Variants in PHAX observed in about 807,000 individuals in gnomAD.
The protein encoded by PHAX is phosphorylated adaptor for RNA export.
A neutral mutation model predicts 41.6 loss-of-function variants in PHAX; 31 were observed. That is an observed-to-expected ratio of 0.75 (90% CI 0.56 to 1.01). The LOEUF is 1.01. PHAX is among the 50% of genes least tolerant of loss of function. PHAX has a pLI of 0.00. For synonymous variants in PHAX, 175 were observed against 164.9 expected (o/e 1.06, Z -0.47); for missense variants, 453 against 472.9 (o/e 0.96, Z 0.39).
Position 126,604,195 on chromosome 5 carries a change from A to T in PHAX, c.710+12A>T. 7 of 1,517,762 alleles carry T rather than the reference A, an allele frequency of 4.6e-6. No homozygotes were observed. The highest frequency in any genetic ancestry group is 1.4e-5 in the African/African-American group (1 of 71,698). The allele number at this position is 1,517,762 out of a possible 1,614,324, so 94.0% of individuals were successfully genotyped here. ...GAAATTTCATTCAGGTGAGCATTTG[A>T]ATTACAAATAAGTACTTGACCAGAT... On this transcript the variant is annotated intron_variant, in intron 2 of 4. Coordinates refer to ENST00000297540, the MANE Select transcript of PHAX (RefSeq NM_032177.4).
intron 4 of PHAX, among the ~76,000 whole-genome samples, chr5:126,620,709 T>G (rs1190901171): frequency 6.6e-6 from 1 of 152,020 alleles, no homozygotes; most frequent in Non-Finnish European, 1.5e-5. Flanking sequence ...TATCTAATAA[T>G]AGGGAAATGT....
At chr5:126,620,022 A>C (rs1280872937) in intron 4 of PHAX, among the ~76,000 whole-genome samples, 1 of 152,210 alleles carries the variant, frequency 6.6e-6, no homozygotes, top group Non-Finnish European at 1.5e-5. Context: ...ATGACAGATA[A>C]AGCAACTTAC....
At chr5:126,620,312 G>T (rs1752250045) in intron 4 of PHAX, among the ~76,000 whole-genome samples, 1 of 152,126 alleles carries the variant, frequency 6.6e-6, no homozygotes, top group Admixed American at 6.6e-5. Flanking sequence ...CTCACCCAAA[G>T]TAATTCTTGA....
intron 4 of PHAX, among the ~76,000 whole-genome samples, chr5:126,619,674 T>G (rs1322351545): frequency 6.6e-6 from 1 of 152,188 alleles, no homozygotes; most frequent in African/African-American, 2.4e-5. Context: ...TCATTCATTC[T>G]TCTGTCTCCA....
At chr5:126,614,129 T>C (rs537304870) in intron 3 of PHAX, among the ~76,000 whole-genome samples, 1 of 152,168 alleles carries the variant, frequency 6.6e-6, no homozygotes, top group East Asian at 1.9e-4. Context: ...GAGACAGTCT[T>C]GCTCTGTCAC....
At chr5:126,605,570 G>A (rs1367681547) in intron 2 of PHAX, among the ~76,000 whole-genome samples, 1 of 138,608 alleles carries the variant, frequency 7.2e-6, no homozygotes, top group Non-Finnish European at 1.5e-5. Flanking sequence ...TTTTTTTTTT[G>A]TATTTTTAGT....
intron 2 of PHAX, among the ~76,000 whole-genome samples, chr5:126,606,808 C>T (rs369604669): frequency 4.3e-4 from 61 of 142,902 alleles, no homozygotes; most frequent in African/African-American, 1.6e-3. Context: ...TGCGCCACCA[C>T]GCCCAGATAA....
intron 1 of PHAX, 102 bp downstream of exon 1, chr5:126,601,160 CCCGGG>C (rs375875026): frequency 3.7e-6 from 3 of 808,194 alleles, no homozygotes; most frequent in African/African-American, 3.7e-5. Flanking sequence ...GAGCTAGGAG[CCCGGG>C]CCAGAGCGAG....
intron 2 of PHAX, 109 bp downstream of exon 2, chr5:126,604,292 T>TTTTTTTTC: frequency 9.5e-7 from 1 of 1,058,014 alleles, no homozygotes; most frequent in Non-Finnish European, 1.3e-6. Flanking sequence ...TTTTTTTTTT[T>TTTTTTTTC]TGGAGACAGG....
Position 126,625,895 on chromosome 5 carries a change from C to T in PHAX, c.*1051C>T, listed in dbSNP as rs1160202187. ...TTTGTATTTTTAGTAAAGACTTTCG[C>T]CATGTTGTCCAGGCTGGTCTCGAAC... On this transcript the variant is annotated 3_prime_UTR_variant, in exon 5 of 5. Coordinates refer to ENST00000297540, the MANE Select transcript of PHAX (RefSeq NM_032177.4). The T allele has an allele frequency of 6.6e-6, 1 of 152,048 alleles. No individual in the cohort carries two copies. Among genetic ancestry groups the T allele is most frequent in the Admixed American group, 6.6e-5 (1 of 15,240 alleles). 9.4% of individuals were successfully genotyped at this position (152,048 alleles called of 1,614,324 possible).
rs1752022335 is a variant in PHAX at position 126,608,415 on chromosome 5, TA to T, written c.764del (p.Asn255ThrfsTer8). The T allele has an allele frequency of 1.2e-6, 2 of 1,613,788 alleles. No homozygotes were observed. Among genetic ancestry groups the T allele is most frequent in the Admixed American group, 1.7e-5 (1 of 59,988 alleles). On this transcript the variant is annotated frameshift_variant, in exon 3 of 5. Coordinates refer to ENST00000297540, the MANE Select transcript of PHAX (RefSeq NM_032177.4). LOFTEE classifies it high-confidence loss of function. ...LIARVVRIIG[N>X]KKAIELLMET... ...TAGCCCGAGTAGTGAGGATTATTGG[TA>T]ACAAAAAGGCAATTGAACTTCTGAT...
At chr5:126,615,299 G>A (rs1370528546) in intron 3 of PHAX, among the ~76,000 whole-genome samples, 1 of 151,848 alleles carries the variant, frequency 6.6e-6, no homozygotes, top group East Asian at 1.9e-4. Flanking sequence ...TTGCCTACCT[G>A]GTAAAAGTTA....
chr5:126,604,881 A>C (rs1239198620), intron 2 of PHAX, among the ~76,000 whole-genome samples: 2 of 152,090 alleles, frequency 1.3e-5, no homozygotes, highest in African/African-American at 4.8e-5. Context: ...TAAAAATACA[A>C]AAATTAGCTG....
intron 3 of PHAX, among the ~76,000 whole-genome samples, chr5:126,613,075 G>A (rs1398193261): frequency 2.0e-5 from 3 of 152,068 alleles, no homozygotes; most frequent in Non-Finnish European, 4.4e-5. Context: ...TTGGCCAGGC[G>A]CAGTGCCTCA....
Position 126,608,629 on chromosome 5 carries a change from A to G in PHAX, c.831+145A>G, listed in dbSNP as rs191762000. On this transcript the variant is annotated intron_variant, in intron 3 of 4. Coordinates refer to ENST00000297540, the MANE Select transcript of PHAX (RefSeq NM_032177.4). ...TGAAGTTTTTAAACTATTATCAACA[A>G]TGAAGACTGTTAAAAAAAAATTAGT... The G allele has an allele frequency of 5.4e-4, 356 of 659,006 alleles. No individual in the cohort carries two copies. The African/African-American group carries it at 5.8e-3, about 11-fold the overall frequency. 40.8% of individuals were successfully genotyped at this position (659,006 alleles called of 1,614,324 possible).
chr5:126,608,260 C>A, intron 2 of PHAX, 104 bp from the exon 3 acceptor site: 1 of 1,356,964 alleles, frequency 7.4e-7, no homozygotes, highest in Non-Finnish European at 9.9e-7. Context: ...TTTAGAAAAC[C>A]AAAAGTTACT....
intron 3 of PHAX, among the ~76,000 whole-genome samples, chr5:126,614,595 G>A (rs977475522): frequency 2.6e-5 from 4 of 152,172 alleles, no homozygotes; most frequent in East Asian, 1.9e-4. Context: ...TTTTATAACC[G>A]TGTAAATATA....
intron 3 of PHAX, among the ~76,000 whole-genome samples, chr5:126,612,038 T>C (rs1752110919): frequency 6.6e-6 from 1 of 152,070 alleles, no homozygotes; most frequent in East Asian, 1.9e-4. Context: ...TAGCATGAAG[T>C]GAGCAGTTTA....
Position 126,626,310 on chromosome 5 carries a change from A to G in PHAX, c.*1466A>G, listed in dbSNP as rs1752348492. The G allele has an allele frequency of 6.6e-6, 1 of 152,198 alleles. No homozygotes were observed. Among genetic ancestry groups the G allele is most frequent in the Non-Finnish European group, 1.5e-5 (1 of 68,044 alleles). 9.4% of individuals were successfully genotyped at this position (152,198 alleles called of 1,614,324 possible). A position where few individuals can be genotyped will look rare whatever the true frequency, so the allele number is the denominator to read the frequency against. ...GGAAGTCAGGTATTTAAAATGTTAC[A>G]TATGCCGGCGCAGTGGCTCATGTGT... On this transcript the variant is annotated 3_prime_UTR_variant, in exon 5 of 5. Transcript: ENST00000297540.
Sources: gnomAD v4.1 joint callset for allele counts (sites outside exome capture counted in the v4.1 genomes callset) on GRCh38, gnomAD v4.1.1 for gene constraint, MANE v1.5 for transcripts, NCBI Gene and HGNC (gene_info 2026-07-23, HGNC 2026-07-21) for gene names.